UBE2W: variants seen among roughly 807,000 people sequenced by gnomAD.
The protein encoded by UBE2W is ubiquitin-conjugating enzyme E2 W.
In UBE2W, 18 loss-of-function variants were observed where a neutral mutation model predicts 27.2. That is an observed-to-expected ratio of 0.66 (90% CI 0.46 to 0.98). The LOEUF (loss-of-function observed/expected upper bound fraction) is 0.98. UBE2W is among the 50% of genes least tolerant of loss of function. The pLI is 0.00. For synonymous variants in UBE2W, 53 were observed against 57.2 expected, an observed-to-expected ratio of 0.93 and a Z score of 0.33; for missense variants, 90 against 180.2, an observed-to-expected ratio of 0.50 and a Z score of 2.87.
At chr8:73,810,896 A>G (rs549375751) in intron 3 of UBE2W, among the ~76,000 whole-genome samples, 1 of 152,304 alleles carries the variant, frequency 6.6e-6, no homozygotes, top group Admixed American at 6.5e-5. Flanking sequence ...TAAAAATTCT[A>G]AACTACGTAT....
chr8:73,866,359 T>C (rs1169579952), intron 1 of UBE2W, among the ~76,000 whole-genome samples: 2 of 144,018 alleles, frequency 1.4e-5, no homozygotes, highest in Non-Finnish European at 3.0e-5. Flanking sequence ...TTTTTAGTAG[T>C]AGGACTGCAA....
Position 73,866,291 on chromosome 8 carries a change from ATATATATATATATAT to A in UBE2W, c.15+12502_15+12516del, listed in dbSNP as rs1173975675. Among the ~76,000 whole-genome samples the A allele has an allele frequency of 1.8e-4, 8 of 44,698 alleles. No individual in the cohort carries two copies. In the Admixed American group the frequency reaches 2.2e-3, roughly 12 times the overall value. 29.3% of individuals were successfully genotyped at this position (44,698 alleles called of 152,430 possible). A position where few individuals can be genotyped will look rare whatever the true frequency, so the allele number is the denominator to read the frequency against. On this transcript the variant is annotated intron_variant, in intron 1 of 5. Transcript: ENST00000602593. Reference sequence around the variant, plus strand: ...TCTAAAAAAAAAAAAAAAAAAAAAAATATATATATATATATATATATATATATACTCAGCAATATT... The same window carrying A: ...TCTAAAAAAAAAAAAAAAAAAAAAAAATATATATATATACTCAGCAATATT...
chr8:73,873,113 T>C (rs1296154990), intron 1 of UBE2W, among the ~76,000 whole-genome samples: 2 of 152,126 alleles, frequency 1.3e-5, no homozygotes, highest in African/African-American at 4.8e-5. Flanking sequence ...TTCACCATGT[T>C]GGCCGGGCTG....
At chr8:73,794,246 C>G (rs1808321564) in intron 5 of UBE2W, 131 bp from the exon 6 acceptor site, 16 of 1,108,402 alleles carry the variant, frequency 1.4e-5, no homozygotes, top group Non-Finnish European at 1.9e-5. Context: ...CTGCCTCCCC[C>G]AAACCTGTGA....
intron 1 of UBE2W, among the ~76,000 whole-genome samples, chr8:73,878,163 G>A (rs1438132426): frequency 1.3e-5 from 2 of 152,070 alleles, no homozygotes; most frequent in African/African-American, 2.4e-5. Context: ...TCGAGAGGAA[G>A]GAGACAGTGG....
chr8:73,810,529 G>T lies in UBE2W; in HGVS notation c.311C>A (p.Ser104Ter). The T allele has an allele frequency of 6.2e-7, 1 of 1,612,970 alleles. No individual in the cohort carries two copies. The highest frequency in any genetic ancestry group is 2.2e-5 in the East Asian group (1 of 44,728). ...ILTEDWSPALSVQSVCLSIIS... is the reference protein window; with the variant it reads ...ILTEDWSPAL ...AATGCTAAGACAAACTGATTGGACT[G>T]AGAGCGCTGGGGACCAGTCTTCTGT... Residue 104 changes from serine to a stop codon, truncating the protein, a stop_gained, in exon 4 of 6, where the codon TCA (serine) becomes TAA (stop). Transcript: ENST00000602593. LOFTEE classifies it high-confidence loss of function.
intron 1 of UBE2W, among the ~76,000 whole-genome samples, chr8:73,851,858 T>C (rs1353219413): frequency 9.9e-6 from 1 of 100,806 alleles, no homozygotes; most frequent in Non-Finnish European, 1.8e-5. Context: ...AAGCTAGGCA[T>C]GGTGGCTTCT....
chr8:73,786,129 T>C, downstream of UBE2W: 3 of 762,132 alleles, frequency 3.9e-6, no homozygotes, highest in East Asian at 1.3e-4. Context: ...GTTCCTGAGA[T>C]GTATTTAGTT....
chr8:73,790,192 A>C lies in UBE2W; in HGVS notation c.*3910T>G. On this transcript the variant is annotated 3_prime_UTR_variant, in exon 6 of 6. Transcript: ENST00000602593. ...AGAATCCCTAACCTCAGAAAAAAAA[A>C]AGAGAGAATAAATTAGAAGTGAGAA... 4 of 985,074 alleles carry C rather than the reference A, an allele frequency of 4.1e-6. No individual in the cohort carries two copies. Among genetic ancestry groups the C allele is most frequent in the Non-Finnish European group, 4.8e-6 (4 of 829,812 alleles). 61.0% of individuals were successfully genotyped at this position (985,074 alleles called of 1,614,324 possible). A position where few individuals can be genotyped will look rare whatever the true frequency, so the allele number is the denominator to read the frequency against.
rs148852693 is a variant in UBE2W, at chr8:73,861,638, A to G, written c.15+17170T>C. Among the ~76,000 whole-genome samples the G allele has an allele frequency of 5.3e-4, 80 of 152,276 alleles. 1 individual carries two copies. The East Asian group carries it at 8.1e-3, about 15-fold the overall frequency. On this transcript the variant is annotated intron_variant, in intron 1 of 5. Transcript: ENST00000602593. Reference sequence around the variant, plus strand: ...TACGTTTTAAATGAGATTTTTATGCATATTCAACTCCAACGATTCATGATA... The same window carrying G: ...TACGTTTTAAATGAGATTTTTATGCGTATTCAACTCCAACGATTCATGATA...
Position 73,786,924 on chromosome 8 carries a change from A to C in UBE2W, c.*7178T>G. 2 of 985,414 alleles carry C rather than the reference A, an allele frequency of 2.0e-6. No homozygotes were observed. The highest frequency in any genetic ancestry group is 2.4e-6 in the Non-Finnish European group (2 of 829,916). 61.0% of individuals were successfully genotyped at this position (985,414 alleles called of 1,614,324 possible). A position where few individuals can be genotyped will look rare whatever the true frequency, so the allele number is the denominator to read the frequency against. On this transcript the variant is annotated 3_prime_UTR_variant, in exon 6 of 6. Transcript: ENST00000602593. ...TTGAGGTATGGAAACATAAAATTTT[A>C]ATGTTGAATTGGCTATCTGCAGGAT...
rs138631980 is a variant in UBE2W, at chr8:73,793,257, TAAC to T, written c.*842_*844del. 8,189 of 985,746 alleles carry T rather than the reference TAAC, an allele frequency of 8.3e-3. 373 individuals carry two copies. In the African/African-American group the frequency reaches 0.11, roughly 14 times the overall value. The allele number at this position is 985,746 out of a possible 1,614,324, so 61.1% of individuals were successfully genotyped here. A position where few individuals can be genotyped will look rare whatever the true frequency, so the allele number is the denominator to read the frequency against. ...TTGGAAAAAATCTTTAATGTACAAA[TAAC>T]AAGCCCAAATTATGGACTGCAGCAA... is the stretch of plus-strand genomic sequence containing the variant. On this transcript the variant is annotated 3_prime_UTR_variant, in exon 6 of 6. Coordinates refer to ENST00000602593, the MANE Select transcript of UBE2W (RefSeq NM_018299.6).
chr8:73,825,121 A>C, intron 3 of UBE2W, 26 bp downstream of exon 3: 2 of 1,487,584 alleles, frequency 1.3e-6, no homozygotes, highest in South Asian at 2.6e-5. Context: ...AAATACAAAA[A>C]AAAAAATTTA....
chr8:73,811,789 G>C (rs1214318940), intron 3 of UBE2W, among the ~76,000 whole-genome samples: 2 of 152,048 alleles, frequency 1.3e-5, no homozygotes, highest in Non-Finnish European at 2.9e-5. Flanking sequence ...CTTACCTTAA[G>C]TTATAGCAGA....
chr8:73,847,833 T>G (rs186055845), intron 1 of UBE2W, among the ~76,000 whole-genome samples: 1 of 143,482 alleles, frequency 7.0e-6, no homozygotes, highest in Non-Finnish European at 1.5e-5. Flanking sequence ...ACCCAGGAGG[T>G]AGAGGTTGCC....
chr8:73,787,099 T>C lies in UBE2W; in HGVS notation c.*7003A>G. ...ATAATCCACTTAACTGTAAAGGGCGTAGGGATTCCCACTTATGTATTTTGC... is the reference window on the plus strand; with the variant it reads ...ATAATCCACTTAACTGTAAAGGGCGCAGGGATTCCCACTTATGTATTTTGC... On this transcript the variant is annotated 3_prime_UTR_variant, in exon 6 of 6. Transcript: ENST00000602593. 3.0e-6 allele frequency: 3 copies of C among 985,406 alleles called. No individual in the cohort carries two copies. Among genetic ancestry groups the C allele is most frequent in the East Asian group, 1.1e-4 (1 of 8,808 alleles). The allele number at this position is 985,406 out of a possible 1,614,324, so 61.0% of individuals were successfully genotyped here. A position where few individuals can be genotyped will look rare whatever the true frequency, so the allele number is the denominator to read the frequency against.
At chr8:73,845,757 G>A (rs1810773058) in intron 1 of UBE2W, among the ~76,000 whole-genome samples, 1 of 149,856 alleles carries the variant, frequency 6.7e-6, no homozygotes, top group South Asian at 2.1e-4. Context: ...ATACACAAAA[G>A]ATAGATTAGC....
At chr8:73,815,838 G>A (rs1809365015) in intron 3 of UBE2W, among the ~76,000 whole-genome samples, 1 of 152,224 alleles carries the variant, frequency 6.6e-6, no homozygotes, top group Non-Finnish European at 1.5e-5. Context: ...GGGACAGTAT[G>A]AGGAAAATAT....
intron 1 of UBE2W, among the ~76,000 whole-genome samples, chr8:73,856,770 A>G (rs1811320079): frequency 6.7e-6 from 1 of 149,934 alleles, no homozygotes; most frequent in Non-Finnish European, 1.5e-5. Context: ...CAGTGGTGTG[A>G]TCTCGGCTCA....
Sources: allele counts gnomAD v4.1 joint callset (sites outside exome capture counted in the v4.1 genomes callset), GRCh38; gene constraint gnomAD v4.1.1; transcripts MANE v1.5; gene names NCBI Gene and HGNC (gene_info 2026-07-23, HGNC 2026-07-21).